TAF4B: variants seen among roughly 807,000 people sequenced by gnomAD.
TAF4B encodes the protein transcription initiation factor TFIID subunit 4B.
Under a neutral mutation model 86.4 loss-of-function variants are expected in TAF4B, and 38 were observed. The ratio of observed to expected loss-of-function variants is 0.44; its 90% CI spans 0.34 to 0.58. The LOEUF is 0.58. Ranked by LOEUF, TAF4B falls within the 20% of genes least tolerant of loss-of-function variation. The probability of loss-of-function intolerance (pLI) is 0.02; values close to 1 mark genes in which losing one functional copy is unlikely to be tolerated. For synonymous variants in TAF4B, 388 were observed against 391.2 expected (o/e 0.99, Z 0.10); for missense variants, 988 against 1,027.6 (o/e 0.96, Z 0.53).
At chr18:26,269,487 A>G (rs561265537) in intron 3 of TAF4B, among the ~76,000 whole-genome samples, 1 of 152,172 alleles carries the variant, frequency 6.6e-6, no homozygotes, top group African/African-American at 2.4e-5. Flanking sequence ...TGATGAAACC[A>G]GTGGATCTGA....
chr18:26,255,308 TG>T (rs34276128), intron 1 of TAF4B, among the ~76,000 whole-genome samples: 31,577 of 151,986 alleles, frequency 0.21, 4,130 homozygotes, highest in Non-Finnish European at 0.3. Flanking sequence ...TCAGAGTTTG[TG>T]GGACTGGGGG....
At chr18:26,305,703 T>A (rs1322716639) in intron 9 of TAF4B, among the ~76,000 whole-genome samples, 1 of 152,174 alleles carries the variant, frequency 6.6e-6, no homozygotes, top group East Asian at 1.9e-4. Context: ...TATTTTGGTG[T>A]TTTCGATTGT....
chr18:26,249,707 T>A (rs905196074), intron 1 of TAF4B, among the ~76,000 whole-genome samples: 7 of 152,212 alleles, frequency 4.6e-5, no homozygotes, highest in African/African-American at 1.7e-4. Context: ...TTCTATATTG[T>A]GAACTCAACA....
At chr18:26,231,389 G>C (rs1207776417) in intron 1 of TAF4B, among the ~76,000 whole-genome samples, 2 of 120,598 alleles carry the variant, frequency 1.7e-5, no homozygotes, top group Non-Finnish European at 3.2e-5. Context: ...GTCTCACTCT[G>C]TTGCCCAGGT....
At chr18:26,332,418 A>G (rs2057057398) in intron 12 of TAF4B, among the ~76,000 whole-genome samples, 1 of 152,066 alleles carries the variant, frequency 6.6e-6, no homozygotes, top group Non-Finnish European at 1.5e-5. Context: ...GGATCCCTAC[A>G]GTGCACCCTC....
intron 5 of TAF4B, among the ~76,000 whole-genome samples, chr18:26,275,420 C>T (rs2056372489): frequency 2.0e-5 from 3 of 152,044 alleles, no homozygotes; most frequent in South Asian, 2.1e-4. Flanking sequence ...CCTCCCAAAG[C>T]GTTGGGATTA....
intron 1 of TAF4B, among the ~76,000 whole-genome samples, chr18:26,255,241 TACTC>T (rs1490765245): frequency 3.3e-5 from 5 of 152,088 alleles, no homozygotes; most frequent in African/African-American, 1.2e-4. Flanking sequence ...TCCTATGAAA[TACTC>T]AGCATCTTAA....
chr18:26,373,503 G>A (rs2057420614), intron 14 of TAF4B, among the ~76,000 whole-genome samples: 1 of 151,878 alleles, frequency 6.6e-6, no homozygotes, highest in African/African-American at 2.4e-5. Context: ...TATGTATATT[G>A]TAGAAAATAT....
chr18:26,325,974 G>A (rs560633254), intron 11 of TAF4B, among the ~76,000 whole-genome samples: 99 of 152,250 alleles, frequency 6.5e-4, no homozygotes, highest in African/African-American at 2.3e-3. Context: ...ACAGTTAATT[G>A]AATCAACCAT....
chr18:26,255,941 C>CTGGT, intron 1 of TAF4B: 3 of 1,300,298 alleles, frequency 2.3e-6, no homozygotes, highest in Non-Finnish European at 3.3e-6. Flanking sequence ...CGTCATCTGA[C>CTGGT]TGGTTACTGT....
At chr18:26,384,688 T>G (rs878923788) in intron 14 of TAF4B, among the ~76,000 whole-genome samples, 1 of 152,220 alleles carries the variant, frequency 6.6e-6, no homozygotes, top group African/African-American at 2.4e-5. Context: ...TTACACTGTT[T>G]CCTGTTTGTA....
intron 14 of TAF4B, among the ~76,000 whole-genome samples, chr18:26,384,067 G>A (rs1334435319): frequency 2.0e-5 from 3 of 151,974 alleles, no homozygotes. Flanking sequence ...TTTTTCTGGA[G>A]CCAAGTCTTC....
intron 7 of TAF4B, among the ~76,000 whole-genome samples, chr18:26,287,401 G>A (rs745904222): frequency 2.1e-4 from 32 of 152,238 alleles, no homozygotes; most frequent in Admixed American, 3.9e-4. Flanking sequence ...CCTTTGTTTT[G>A]TCTGATTGTT....
At chr18:26,249,033 G>A (rs545991122) in intron 1 of TAF4B, among the ~76,000 whole-genome samples, 5 of 151,758 alleles carry the variant, frequency 3.3e-5, no homozygotes, top group African/African-American at 9.6e-5. Flanking sequence ...TTAGCTGGGC[G>A]TGGTGGTACG....
chr18:26,279,044 A>G (rs1475407689), intron 5 of TAF4B, among the ~76,000 whole-genome samples: 2 of 151,930 alleles, frequency 1.3e-5, no homozygotes, highest in Non-Finnish European at 2.9e-5. Context: ...GGCAAGAGAA[A>G]GAAATAAAGG....
In TAF4B at chr18:26,267,621, CAAGT is replaced by C. The variant is rs1568116083; in HGVS notation, c.597+3_597+6del. 6.2e-7 allele frequency: 1 copy of C among 1,610,076 alleles called. No individual in the cohort carries two copies. Among genetic ancestry groups the C allele is most frequent in the Non-Finnish European group, 8.5e-7 (1 of 1,176,502 alleles). ...CACTGTTCCGAAGCCTTCCTCAGTACAAGTAAGTTGTGCTGGCCATTCGTGCACT... is the reference window on the plus strand; with the variant it reads ...CACTGTTCCGAAGCCTTCCTCAGTACAAGTTGTGCTGGCCATTCGTGCACT... On this transcript the variant is annotated splice_donor_variant and coding_sequence_variant, in exon 3 of 15. Transcript: ENST00000269142. LOFTEE classifies it high-confidence loss of function.
At chr18:26,290,432 T>TTATATA (rs1289602680) in intron 7 of TAF4B, among the ~76,000 whole-genome samples, 4 of 152,152 alleles carry the variant, frequency 2.6e-5, no homozygotes, top group Non-Finnish European at 5.9e-5. Flanking sequence ...AAAATGAGAA[T>TTATATA]TATATAGTTG....
chr18:26,253,569 G>T (rs1045783464), intron 1 of TAF4B, among the ~76,000 whole-genome samples: 1 of 152,106 alleles, frequency 6.6e-6, no homozygotes, highest in Non-Finnish European at 1.5e-5. Flanking sequence ...TTTTGGTATC[G>T]TTAATACTGA....
intron 1 of TAF4B, among the ~76,000 whole-genome samples, chr18:26,253,451 C>T (rs551209705): frequency 6.6e-6 from 1 of 152,258 alleles, no homozygotes; most frequent in African/African-American, 2.4e-5. Flanking sequence ...GTATATAACA[C>T]ATATAAAACA....
Sources: allele counts gnomAD v4.1 joint callset (sites outside exome capture counted in the v4.1 genomes callset), GRCh38; gene constraint gnomAD v4.1.1; transcripts MANE v1.5; gene names NCBI Gene and HGNC (gene_info 2026-07-23, HGNC 2026-07-21).